Variants in PTPRG observed in about 807,000 individuals in gnomAD.
The protein encoded by PTPRG is protein tyrosine phosphatase receptor type G.
PTPRG carries 102 observed loss-of-function variants against 165.3 expected under a neutral mutation model. The observed-to-expected ratio is 0.62, with a 90% CI of 0.53 to 0.73. The LOEUF is 0.73. Among genes scored for constraint, PTPRG ranks in the 30% least tolerant of loss-of-function variants. The pLI, the probability that PTPRG is intolerant of heterozygous loss-of-function variation, is 0.00. For missense variants in PTPRG, 1,866 were observed against 1,861.4 expected, an observed-to-expected ratio of 1.00 and a Z score of -0.05; for synonymous variants, 675 against 669.5, an observed-to-expected ratio of 1.01 and a Z score of -0.13.
At chr3:61,789,390 G>T (rs1337587813) in intron 2 of PTPRG, among the ~76,000 whole-genome samples, 1 of 152,202 alleles carries the variant, frequency 6.6e-6, no homozygotes, top group African/African-American at 2.4e-5. Flanking sequence ...TTACAGGCAT[G>T]AGCTACTGTG....
intron 2 of PTPRG, among the ~76,000 whole-genome samples, chr3:61,890,415 TTTTTTTTG>T (rs1326707501): frequency 3.7e-5 from 3 of 80,746 alleles, no homozygotes; most frequent in African/African-American, 7.7e-5. Context: ...GTTCTTTGTT[TTTTTTTTG>T]TTTTTTTTTT....
At chr3:62,153,930 G>A (rs1160222849) in intron 6 of PTPRG, among the ~76,000 whole-genome samples, 1 of 152,180 alleles carries the variant, frequency 6.6e-6, no homozygotes, top group Non-Finnish European at 1.5e-5. Context: ...AGCCCTGAAT[G>A]ATGTTTTCTG....
intron 5 of PTPRG, among the ~76,000 whole-genome samples, chr3:62,110,488 G>T (rs17632049): frequency 0.017 from 2,583 of 151,632 alleles, 32 homozygotes; most frequent in Middle Eastern, 0.034. Context: ...TATCCACTCA[G>T]TAGAGATTTA....
chr3:62,094,287 G>A (rs1702037559), intron 5 of PTPRG, among the ~76,000 whole-genome samples: 2 of 149,362 alleles, frequency 1.3e-5, no homozygotes, highest in Admixed American at 1.3e-4. Context: ...ATCTAGGGTA[G>A]GGTCAGCCAC....
intron 1 of PTPRG, among the ~76,000 whole-genome samples, chr3:61,656,903 C>A (rs956765662): frequency 3.3e-5 from 5 of 152,208 alleles, no homozygotes; most frequent in Non-Finnish European, 7.3e-5. Flanking sequence ...GTGAACAAAT[C>A]CCTGCCTGCA....
At chr3:62,200,429 C>A (rs1042589310) in intron 10 of PTPRG, among the ~76,000 whole-genome samples, 1 of 152,014 alleles carries the variant, frequency 6.6e-6, no homozygotes, top group Non-Finnish European at 1.5e-5. Flanking sequence ...CACCACCACA[C>A]CCAGCTAATT....
At chr3:62,098,626 G>T (rs1244484653) in intron 5 of PTPRG, among the ~76,000 whole-genome samples, 1 of 152,142 alleles carries the variant, frequency 6.6e-6, no homozygotes, top group East Asian at 1.9e-4. Context: ...CACATGGCTG[G>T]AACTGGCACC....
chr3:61,687,608 C>T (rs1703673479), intron 1 of PTPRG, among the ~76,000 whole-genome samples: 1 of 152,104 alleles, frequency 6.6e-6, no homozygotes, highest in African/African-American at 2.4e-5. Context: ...TAAATTTATA[C>T]AAAAGTATGA....
At chr3:61,903,248 C>T (rs1463312833) in intron 2 of PTPRG, among the ~76,000 whole-genome samples, 2 of 152,310 alleles carry the variant, frequency 1.3e-5, no homozygotes, top group East Asian at 1.9e-4. Flanking sequence ...TGCCTTACCT[C>T]GTCCTTTCAT....
At chr3:62,242,474 G>T (rs1288257654) in intron 14 of PTPRG, among the ~76,000 whole-genome samples, 5 of 152,164 alleles carry the variant, frequency 3.3e-5, no homozygotes. Flanking sequence ...AATGGAAACT[G>T]CTTAGAGCTA....
chr3:61,777,322 ATTAAAT>A (rs1340704737), intron 2 of PTPRG, among the ~76,000 whole-genome samples: 1 of 152,192 alleles, frequency 6.6e-6, no homozygotes, highest in African/African-American at 2.4e-5. Flanking sequence ...TTTGAATTAA[ATTAAAT>A]TTAAATTTAA....
chr3:62,261,987 A>T (rs2093909726), intron 16 of PTPRG: 1 of 152,196 alleles, frequency 6.6e-6, no homozygotes, highest in East Asian at 1.9e-4. Flanking sequence ...GGCTCTTTGT[A>T]GCAGCTGTGT....
chr3:61,845,173 T>TTAA (rs1345610288), intron 2 of PTPRG, among the ~76,000 whole-genome samples: 1 of 152,244 alleles, frequency 6.6e-6, no homozygotes, highest in Non-Finnish European at 1.5e-5. Flanking sequence ...TCTTTTGTGT[T>TTAA]TTTAAAGTAT....
In PTPRG at chr3:62,273,763, T is replaced by C. The variant is rs1260246047; in HGVS notation, c.3384T>C (p.Ser1128=). 2 of 1,613,794 alleles carry C rather than the reference T, an allele frequency of 1.2e-6. No homozygotes were observed. The highest frequency in any genetic ancestry group is 1.1e-5 in the South Asian group (1 of 91,070). The change falls in exon 23 of 30, where the codon TCT becomes TCC. Residue 1128 remains serine (S), a synonymous_variant. Coordinates refer to ENST00000474889, the MANE Select transcript of PTPRG (RefSeq NM_002841.4). The surrounding 1 kb of genome is among the most constrained non-coding windows in gnomAD (Gnocchi z 4.1). The part of the protein sequence containing the change: ...EAILGKETEV[S]SNQLHSYVNS... ...TTCTTGGAAAGGAGACTGAAGTATC[T>C]TCAAATCAGCTGCACAGCTATGTTA...
intron 1 of PTPRG, among the ~76,000 whole-genome samples, chr3:61,639,470 A>G (rs1472226739): frequency 6.6e-6 from 1 of 152,188 alleles, no homozygotes; most frequent in Non-Finnish European, 1.5e-5. Context: ...GTTTGATAGG[A>G]ATAGTGTTAA....
At chr3:61,884,054 A>C (rs2037963252) in intron 2 of PTPRG, among the ~76,000 whole-genome samples, 1 of 152,130 alleles carries the variant, frequency 6.6e-6, no homozygotes, top group Non-Finnish European at 1.5e-5. Context: ...GGTGGTTTAA[A>C]ATGGCAGAAG....
At chr3:62,166,822 G>C (rs563552041) in intron 7 of PTPRG, among the ~76,000 whole-genome samples, 6 of 151,860 alleles carry the variant, frequency 4.0e-5, no homozygotes, top group Non-Finnish European at 5.9e-5. Flanking sequence ...CCAAGAAGCT[G>C]CGACTACAGG....
At chr3:62,042,545 C>T (rs1042687484) in intron 4 of PTPRG, among the ~76,000 whole-genome samples, 2 of 152,044 alleles carry the variant, frequency 1.3e-5, no homozygotes, top group Admixed American at 6.6e-5. Context: ...CTGAAATTTT[C>T]TTCCTCCCGC....
intron 4 of PTPRG, among the ~76,000 whole-genome samples, chr3:62,076,210 C>T (rs1701377966): frequency 6.6e-6 from 1 of 151,992 alleles, no homozygotes; most frequent in African/African-American, 2.4e-5. Context: ...TCGCTTGAGT[C>T]CAGGAGGTCA....
Sources: gnomAD v4.1 joint callset for allele counts (sites outside exome capture counted in the v4.1 genomes callset) on GRCh38, gnomAD v4.1.1 for gene constraint, Gnocchi (gnomAD v3.1) non-coding constraint, MANE v1.5 for transcripts, NCBI Gene and HGNC (gene_info 2026-07-23, HGNC 2026-07-21) for gene names.